Variants in PUM2 observed in about 807,000 individuals in gnomAD.
The protein encoded by PUM2 is pumilio RNA binding family member 2.
A neutral mutation model predicts 124.5 loss-of-function variants in PUM2; 57 were observed. The ratio of observed to expected loss-of-function variants is 0.46; its 90% confidence interval spans 0.37 to 0.57. The LOEUF (loss-of-function observed/expected upper bound fraction) is 0.57, where lower values mean the gene tolerates loss of function less well. PUM2 is among the 20% of genes least tolerant of loss of function. The pLI, the probability that PUM2 is intolerant of heterozygous loss-of-function variation, is 0.00. For missense variants in PUM2, 1,065 were observed against 1,290.6 expected, an observed-to-expected ratio of 0.83 and a Z score of 2.68; for synonymous variants, 460 against 446.1, an observed-to-expected ratio of 1.03 and a Z score of -0.39.
chr2:20,344,905 C>A (rs1405117939), intron 1 of PUM2, among the ~76,000 whole-genome samples: 1 of 149,198 alleles, frequency 6.7e-6, no homozygotes, highest in East Asian at 2.0e-4. Context: ...AGGGCGTGAA[C>A]CCGGGAGGCG....
chr2:20,334,172 C>A (rs1227374138), intron 1 of PUM2, among the ~76,000 whole-genome samples: 2 of 152,088 alleles, frequency 1.3e-5, no homozygotes, highest in Non-Finnish European at 2.9e-5. Context: ...ATTAGCCAGG[C>A]ATGGTGACAT....
At chr2:20,296,691 T>C (rs11690912) in intron 8 of PUM2, among the ~76,000 whole-genome samples, 74,825 of 147,140 alleles carry the variant, frequency 0.51, 18,924 homozygotes, top group South Asian at 0.56. Flanking sequence ...CTAAGGCAGA[T>C]ATCAACCTAT....
intron 10 of PUM2, among the ~76,000 whole-genome samples, chr2:20,286,427 A>ATTT (rs1268619181): frequency 1.3e-5 from 2 of 152,212 alleles, no homozygotes; most frequent in Non-Finnish European, 2.9e-5. Flanking sequence ...ATTTATGATA[A>ATTT]AGATGGACAT....
intron 2 of PUM2, among the ~76,000 whole-genome samples, chr2:20,319,490 T>C (rs562800133): frequency 6.6e-6 from 1 of 152,358 alleles, no homozygotes; most frequent in Admixed American, 6.5e-5. Context: ...AAAACCTGTG[T>C]ATACTTCTAT....
At position 20,251,678 on chromosome 2, in the gene PUM2, G is replaced by A. The variant is rs755202484; in HGVS notation, c.3102C>T (p.Tyr1034=). The change falls in exon 21 of 21, where the codon TAC becomes TAT. Residue 1034 remains tyrosine (Y), a synonymous_variant. Transcript: ENST00000361078. ...PHITTLRKYT[Y]GKHILAKLEK... The stretch of plus-strand genomic sequence containing the variant: ...CCAACTTGGCCAGTATATGCTTCCC[G>A]TATGTGTATTTGCGCAAAGTAGTAA... The A allele has an allele frequency of 1.2e-5, 19 of 1,613,300 alleles. No individual in the cohort carries two copies. Among genetic ancestry groups the A allele is most frequent in the Admixed American group, 1.0e-4 (6 of 59,980 alleles).
chr2:20,260,351 G>C lies in PUM2; in HGVS notation c.2341C>G (p.Gln781Glu). The C allele has an allele frequency of 6.2e-7, 1 of 1,611,648 alleles. No individual in the cohort carries two copies. Among genetic ancestry groups the C allele is most frequent in the Non-Finnish European group, 8.5e-7 (1 of 1,178,688 alleles). The change falls in exon 15 of 21, where the codon CAG becomes GAG. Residue 781 changes from glutamine to glutamate, a missense_variant. By Grantham distance (29) the Gln-to-Glu change is conservative (BLOSUM62 2). Around this residue, in one of 3 missense-constraint regions of PUM2, gnomAD observed 968 missense variants for 1,159.8 expected, o/e 0.83. Coordinates refer to ENST00000361078, the MANE Select transcript of PUM2 (RefSeq NM_015317.5). ...TGAATCCTTACCTCAAAAAACTTCT[G>C]TATAACATAGTTGCCAAAAACATCA... ...MTDVFGNYVI[Q>E]KFFEFGSLDQ...
chr2:20,300,524 T>A (rs950094561), intron 7 of PUM2, among the ~76,000 whole-genome samples: 1 of 152,194 alleles, frequency 6.6e-6, no homozygotes, highest in African/African-American at 2.4e-5. Context: ...TAGAATTTTA[T>A]TTTGGTTTAT....
At chr2:20,350,943 C>G (rs1047973614), upstream of PUM2, 19 of 257,004 alleles carry the variant, frequency 7.4e-5, no homozygotes, top group Admixed American at 5.2e-4. Flanking sequence ...CGTCCCTGCT[C>G]CCGCGCTGCC....
At position 20,283,197 on chromosome 2, in the gene PUM2, G is replaced by A. The variant is rs1247486353; in HGVS notation, c.1470C>T (p.Ser490=). 14 of 1,613,822 alleles carry A rather than the reference G, an allele frequency of 8.7e-6. No homozygotes were observed. The highest frequency in any genetic ancestry group is 1.2e-5 in the Non-Finnish European group (14 of 1,179,766). Reference sequence around the variant, plus strand: ...ACAGACCATTTGTGCTGCCTGTAAGGCTACTTGCAGTTCCTCCAGCTGCTG... The same window carrying A: ...ACAGACCATTTGTGCTGCCTGTAAGACTACTTGCAGTTCCTCCAGCTGCTG... ...AAAAAGGTAS[S]LTGSTNGLFR... Residue 490 remains serine (S), a synonymous_variant, in exon 12 of 21, where the codon AGC becomes AGT. Coordinates refer to ENST00000361078, the MANE Select transcript of PUM2 (RefSeq NM_015317.5).
chr2:20,318,364 G>A lies in PUM2; in HGVS notation c.160+173C>T, dbSNP rs548928998. On this transcript the variant is annotated intron_variant, in intron 3 of 20. Transcript: ENST00000361078. The stretch of plus-strand genomic sequence containing the variant: ...CGCCTACCATCCCAGCACTTTGGGA[G>A]GCCAAGGCAGGAGGATTGCATGAGC... Among the ~76,000 whole-genome samples the A allele has an allele frequency of 3.2e-4, 49 of 152,286 alleles. No homozygotes were observed. The South Asian group carries it at 9.9e-3, about 31-fold the overall frequency.
rs1035337942 is a variant in PUM2, at chr2:20,251,433, T to G, written c.*152A>C. 3.0e-6 allele frequency: 3 copies of G among 1,006,924 alleles called. No homozygotes were observed. The highest frequency in any genetic ancestry group is 4.2e-6 in the Non-Finnish European group (3 of 715,138). 62.4% of individuals were successfully genotyped at this position (1,006,924 alleles called of 1,614,324 possible). A position where few individuals can be genotyped will look rare whatever the true frequency, so the allele number is the denominator to read the frequency against. ...ACCCCCCAAATATACACAAGAACCT[T>G]AAAAAATTTACAAATGGATGAATAA... On this transcript the variant is annotated 3_prime_UTR_variant, in exon 21 of 21. Coordinates refer to ENST00000361078, the MANE Select transcript of PUM2 (RefSeq NM_015317.5).
intron 13 of PUM2, among the ~76,000 whole-genome samples, chr2:20,276,963 T>C (rs1364718993): frequency 6.6e-6 from 1 of 152,120 alleles, no homozygotes; most frequent in Non-Finnish European, 1.5e-5. Flanking sequence ...ATTAGGCTGC[T>C]TTCTTTACAA....
At chr2:20,261,754 G>A (rs1666345230) in intron 14 of PUM2, among the ~76,000 whole-genome samples, 1 of 152,100 alleles carries the variant, frequency 6.6e-6, no homozygotes, top group Non-Finnish European at 1.5e-5. Flanking sequence ...TAAAAAATCT[G>A]TAAACAGAAA....
At chr2:20,334,147 AT>A (rs1163670545) in intron 1 of PUM2, among the ~76,000 whole-genome samples, 4 of 151,944 alleles carry the variant, frequency 2.6e-5, no homozygotes, top group Non-Finnish European at 4.4e-5. Context: ...TACAAAAAAA[AT>A]TTTTTTTTAA....
chr2:20,289,460 CAA>C (rs1239804784), intron 10 of PUM2, among the ~76,000 whole-genome samples: 2 of 152,188 alleles, frequency 1.3e-5, no homozygotes, highest in Non-Finnish European at 2.9e-5. Context: ...GTCCATTTCT[CAA>C]AAGTCTGCTT....
rs371002615 is a variant in PUM2 at position 20,318,359 on chromosome 2, TG to T, written c.160+177del. On this transcript the variant is annotated intron_variant, in intron 3 of 20. Coordinates refer to ENST00000361078, the MANE Select transcript of PUM2 (RefSeq NM_015317.5). ...GCTCACGCCTACCATCCCAGCACTT[TG>T]GGAGGCCAAGGCAGGAGGATTGCAT... 3.2e-4 allele frequency among the ~76,000 whole-genome samples: 49 copies of T among 152,310 alleles called. No individual in the cohort carries two copies. In the South Asian group the frequency reaches 9.9e-3, roughly 31 times the overall value.
At chr2:20,321,200 T>C (rs776228123) in intron 2 of PUM2, among the ~76,000 whole-genome samples, 20 of 151,974 alleles carry the variant, frequency 1.3e-4, no homozygotes, top group African/African-American at 1.4e-4. Flanking sequence ...GGCAAGAAAA[T>C]TGCTTGAATC....
At chr2:20,260,176 T>C (rs1055797608) in intron 15 of PUM2, among the ~76,000 whole-genome samples, 161 bp downstream of exon 15, 5 of 152,238 alleles carry the variant, frequency 3.3e-5, no homozygotes, top group African/African-American at 1.2e-4. Flanking sequence ...CAATATATCC[T>C]GGATAAAATG....
chr2:20,255,916 T>C (rs1664658196), intron 17 of PUM2, 117 bp downstream of exon 17: 4 of 1,056,122 alleles, frequency 3.8e-6, no homozygotes, highest in Non-Finnish European at 5.2e-6. Context: ...CTGTTTTGTA[T>C]CCTATTTTTG....
Sources: gnomAD v4.1 joint callset for allele counts (sites outside exome capture counted in the v4.1 genomes callset) on GRCh38, gnomAD v4.1.1 for gene constraint, gnomAD v4.1.1 regional missense constraint, MANE v1.5 for transcripts, NCBI Gene and HGNC (gene_info 2026-07-23, HGNC 2026-07-21) for gene names.